The following LRRC2 variants were observed in gnomAD, a reference collection of about 807,000 sequenced individuals.
The protein encoded by LRRC2 is leucine-rich repeat-containing protein 2.
In LRRC2, 27 loss-of-function variants were observed where a neutral mutation model predicts 40.2. The observed-to-expected ratio is 0.67, with a 90% CI of 0.49 to 0.93. The LOEUF is 0.93. LRRC2 is among the 40% of genes least tolerant of loss of function. The pLI, the probability that LRRC2 is intolerant of heterozygous loss-of-function variation, is 0.00. For synonymous variants in LRRC2, 147 were observed against 158.9 expected, an observed-to-expected ratio of 0.92 and a Z score of 0.56; for missense variants, 402 against 439.6, an observed-to-expected ratio of 0.91 and a Z score of 0.76.
intron 4 of LRRC2, among the ~76,000 whole-genome samples, chr3:46,537,720 T>C (rs991314464): frequency 1.3e-5 from 2 of 152,238 alleles, no homozygotes; most frequent in Non-Finnish European, 1.5e-5. Flanking sequence ...GAAGTACTTA[T>C]CCTTGTTGGG....
intron 2 of LRRC2, among the ~76,000 whole-genome samples, chr3:46,549,786 C>T (rs1177719528): frequency 6.6e-6 from 1 of 152,216 alleles, no homozygotes; most frequent in Non-Finnish European, 1.5e-5. Context: ...AGGTGCTTCC[C>T]TAACTCCCCT....
chr3:46,553,182 CAA>C (rs10676856), intron 1 of LRRC2, among the ~76,000 whole-genome samples: 5,569 of 149,520 alleles, frequency 0.037, 207 homozygotes, highest in South Asian at 0.15. Context: ...TTGATCATTG[CAA>C]AAAAAAAAAA....
chr3:46,536,753 CCA>C (rs1234821507), intron 4 of LRRC2, among the ~76,000 whole-genome samples: 1 of 152,148 alleles, frequency 6.6e-6, no homozygotes, highest in East Asian at 1.9e-4. Context: ...AGGGTGAAAA[CCA>C]CTGCTCAAAT....
chr3:46,539,145 A>T lies in LRRC2; in HGVS notation c.390T>A (p.Asn130Lys). 1 of 1,613,980 alleles carries T rather than the reference A, an allele frequency of 6.2e-7. No homozygotes were observed. Among genetic ancestry groups the T allele is most frequent in the East Asian group, 2.2e-5 (1 of 44,894 alleles). The change falls in exon 4 of 9, where the codon AAT becomes AAA. Residue 130 changes from asparagine (N) to lysine (K), a missense_variant. By Grantham distance (94) the Asn-to-Lys change is moderately conservative. Coordinates refer to ENST00000395905, the MANE Select transcript of LRRC2 (RefSeq NM_024512.5). ...QTHLREWYISNTLIQIIPTYI... is the reference protein window; with the variant it reads ...QTHLREWYISKTLIQIIPTYI... ...ATGTAGGAATGATTTGAATCAAGGTATTGCTTATGTACCATTCTCTCAGGT... is the reference window on the plus strand; with the variant it reads ...ATGTAGGAATGATTTGAATCAAGGTTTTGCTTATGTACCATTCTCTCAGGT...
At chr3:46,548,778 T>G (rs549200079) in intron 2 of LRRC2, among the ~76,000 whole-genome samples, 2 of 152,294 alleles carry the variant, frequency 1.3e-5, no homozygotes, top group African/African-American at 4.8e-5. Context: ...AATTTTTCCA[T>G]GGATGAGGGG....
At chr3:46,530,179 AG>A in intron 5 of LRRC2, 129 bp from the exon 6 acceptor site, 2 of 735,104 alleles carry the variant, frequency 2.7e-6, no homozygotes, top group Non-Finnish European at 4.5e-6. Flanking sequence ...AGATCAATAC[AG>A]TATGTATTTT....
rs190429052 is a variant in LRRC2, at chr3:46,541,211, C to T, written c.334-2010G>A. 4.6e-5 allele frequency among the ~76,000 whole-genome samples: 7 copies of T among 151,662 alleles called. No individual in the cohort carries two copies. In the East Asian group the frequency reaches 1.4e-3, roughly 30 times the overall value. On this transcript the variant is annotated intron_variant, in intron 3 of 8. Coordinates refer to ENST00000395905, the MANE Select transcript of LRRC2 (RefSeq NM_024512.5). ...AGCCGGGCGTGGTGGCGGGCGCCTG[C>T]AGTCCCAGCTGCTCGGGAGGCTGAG...
chr3:46,536,958 T>C (rs1704279840), intron 4 of LRRC2, among the ~76,000 whole-genome samples: 1 of 152,218 alleles, frequency 6.6e-6, no homozygotes, highest in Non-Finnish European at 1.5e-5. Flanking sequence ...ATGGTGATGC[T>C]CTGATGCCCT....
chr3:46,520,065 CTAAAGT>C (rs1703938099), intron 8 of LRRC2, among the ~76,000 whole-genome samples: 1 of 150,386 alleles, frequency 6.6e-6, no homozygotes, highest in South Asian at 2.1e-4. Flanking sequence ...TCTATCATCT[CTAAAGT>C]TAATTTTTAA....
chr3:46,524,444 CTT>C (rs1704021356), intron 7 of LRRC2, among the ~76,000 whole-genome samples: 1 of 152,296 alleles, frequency 6.6e-6, no homozygotes, highest in African/African-American at 2.4e-5. Flanking sequence ...CGTTTTTCCT[CTT>C]GTTTTAAGCA....
intron 3 of LRRC2, among the ~76,000 whole-genome samples, chr3:46,541,428 G>A (rs1183872872): frequency 6.6e-6 from 1 of 152,096 alleles, no homozygotes; most frequent in Non-Finnish European, 1.5e-5. Flanking sequence ...TTGAATGTAT[G>A]CATGTACTTT....
At chr3:46,525,076 CT>C (rs915342512) in intron 7 of LRRC2, among the ~76,000 whole-genome samples, 6 of 130,298 alleles carry the variant, frequency 4.6e-5, no homozygotes, top group South Asian at 2.8e-4. Context: ...TACTGTAATT[CT>C]TTTTTTTTCT....
At chr3:46,531,144 T>C (rs947787682) in intron 5 of LRRC2, among the ~76,000 whole-genome samples, 22 of 127,344 alleles carry the variant, frequency 1.7e-4, no homozygotes, top group African/African-American at 5.7e-4. Context: ...TCAACAATTA[T>C]AGTTAGATTT....
intron 2 of LRRC2, among the ~76,000 whole-genome samples, chr3:46,548,325 T>C (rs1051021384): frequency 1.3e-5 from 2 of 152,260 alleles, no homozygotes; most frequent in Admixed American, 6.5e-5. Flanking sequence ...TTTCTTTATG[T>C]CTTATTTTCC....
intron 6 of LRRC2, among the ~76,000 whole-genome samples, chr3:46,528,820 A>G (rs1403485370): frequency 6.6e-6 from 1 of 152,180 alleles, no homozygotes; most frequent in African/African-American, 2.4e-5. Flanking sequence ...TCTTTATAAA[A>G]AAGATTGTAG....
intron 1 of LRRC2, chr3:46,558,895 A>T (rs1258237151): frequency 6.6e-6 from 1 of 152,204 alleles, no homozygotes; most frequent in Non-Finnish European, 1.5e-5. Flanking sequence ...GAACTCGTAG[A>T]AGTAGAGTGT....
chr3:46,533,484 A>G (rs952440082), intron 4 of LRRC2, among the ~76,000 whole-genome samples: 6 of 152,236 alleles, frequency 3.9e-5, no homozygotes, highest in African/African-American at 1.2e-4. Context: ...AGTTGAAAAT[A>G]TCATAAGTCA....
chr3:46,535,490 T>C (rs1440843832), intron 4 of LRRC2, among the ~76,000 whole-genome samples: 3 of 152,204 alleles, frequency 2.0e-5, no homozygotes, highest in African/African-American at 7.2e-5. Context: ...CTCCTTCCCA[T>C]AGTTTAACTC....
intron 5 of LRRC2, among the ~76,000 whole-genome samples, chr3:46,531,695 C>A (rs969474426): frequency 1.3e-5 from 2 of 152,152 alleles, no homozygotes; most frequent in Admixed American, 6.5e-5. Flanking sequence ...TGACCCCTGG[C>A]TGTGCACCCT....
Sources: gnomAD v4.1 joint callset for allele counts (sites outside exome capture counted in the v4.1 genomes callset) on GRCh38, gnomAD v4.1.1 for gene constraint, MANE v1.5 for transcripts, NCBI Gene and HGNC (gene_info 2026-07-23, HGNC 2026-07-21) for gene names.